P3H2: variants seen among roughly 807,000 people sequenced by gnomAD.
P3H2 encodes the protein leprecan-like 1.
Under a neutral mutation model 87.0 loss-of-function variants are expected in P3H2, and 80 were observed. The ratio of observed to expected loss-of-function variants is 0.92; its 90% CI spans 0.77 to 1.11. The LOEUF (loss-of-function observed/expected upper bound fraction) is 1.11, where lower values mean the gene tolerates loss of function less well. P3H2 is among the 50% of genes least tolerant of loss of function. The pLI, the probability that P3H2 is intolerant of heterozygous loss-of-function variation, is 0.00. For missense variants in P3H2, 1,001 were observed against 923.9 expected, an observed-to-expected ratio of 1.08 and a Z score of -1.08; for synonymous variants, 367 against 359.3, an observed-to-expected ratio of 1.02 and a Z score of -0.24.
intron 13 of P3H2, among the ~76,000 whole-genome samples, chr3:189,966,769 C>A (rs1723019874): frequency 6.6e-6 from 1 of 152,222 alleles, no homozygotes; most frequent in African/African-American, 2.4e-5. Context: ...GTCTCACAAA[C>A]AAATGCCGCT....
chr3:190,001,371 A>AAGCGT (rs1724212547), intron 1 of P3H2, among the ~76,000 whole-genome samples: 1 of 152,098 alleles, frequency 6.6e-6, no homozygotes, highest in Non-Finnish European at 1.5e-5. Context: ...AGAGTAAAAC[A>AAGCGT]TCAAGCGTAA....
At chr3:190,037,184 T>C (rs1033797168) in intron 1 of P3H2, among the ~76,000 whole-genome samples, 7 of 152,108 alleles carry the variant, frequency 4.6e-5, no homozygotes, top group African/African-American at 1.7e-4. Context: ...TAACTTGAGA[T>C]CATATAGCTG....
rs1712510492 is a variant in P3H2, at chr3:190,120,428, C to G, written c.304G>C (p.Gly102Arg). ...AAAAGGGGCAGCTCAGCGCCGGGGCCCTCGCCGGGGGGCGGGGGCGGGAGC... is the reference window on the plus strand; with the variant it reads ...AAAAGGGGCAGCTCAGCGCCGGGGCGCTCGCCGGGGGGCGGGGGCGGGAGC... ...HPLPPPPPGEGPGAELPLFRS... is the reference protein window; with the variant it reads ...HPLPPPPPGERPGAELPLFRS... Residue 102 changes from glycine (G) to arginine (R), a missense_variant, in exon 1 of 15, where the codon GGC (glycine) becomes CGC (arginine). Gly to Arg is a moderately radical substitution (Grantham distance 125). Transcript: ENST00000319332. The G allele has an allele frequency of 6.8e-7, 1 of 1,462,536 alleles. No homozygotes were observed. Among genetic ancestry groups the G allele is most frequent in the Non-Finnish European group, 9.0e-7 (1 of 1,115,344 alleles). The allele number at this position is 1,462,536 out of a possible 1,614,324, so 90.6% of individuals were successfully genotyped here.
At chr3:190,027,064 T>C (rs541457205) in intron 1 of P3H2, among the ~76,000 whole-genome samples, 1 of 152,338 alleles carries the variant, frequency 6.6e-6, no homozygotes, top group African/African-American at 2.4e-5. Context: ...ATAACAATTT[T>C]ATAAGGTAGG....
At chr3:190,056,596 A>G (rs909209184) in intron 1 of P3H2, among the ~76,000 whole-genome samples, 2 of 152,224 alleles carry the variant, frequency 1.3e-5, no homozygotes, top group Non-Finnish European at 2.9e-5. Context: ...AGAAGTCGTG[A>G]TGATAATCTG....
At chr3:190,052,815 A>G (rs1726025732) in intron 1 of P3H2, among the ~76,000 whole-genome samples, 1 of 152,106 alleles carries the variant, frequency 6.6e-6, no homozygotes, top group South Asian at 2.1e-4. Context: ...ATTTTGGCAT[A>G]TGCATTCCCC....
intron 1 of P3H2, among the ~76,000 whole-genome samples, chr3:189,995,715 G>A (rs887563975): frequency 1.3e-4 from 19 of 151,006 alleles, no homozygotes; most frequent in African/African-American, 4.6e-4. Context: ...ATCCAAAAGG[G>A]GTTAATATCT....
intron 1 of P3H2, among the ~76,000 whole-genome samples, chr3:190,105,405 C>T (rs1224625534): frequency 6.6e-6 from 1 of 152,114 alleles, no homozygotes; most frequent in African/African-American, 2.4e-5. Context: ...TGTTGCTTGT[C>T]TTTTCTTCAT....
At chr3:190,071,978 GTTT>G (rs60227697) in intron 1 of P3H2, among the ~76,000 whole-genome samples, 20 of 119,202 alleles carry the variant, frequency 1.7e-4, no homozygotes, top group African/African-American at 5.7e-4. Flanking sequence ...AAGATGAAGG[GTTT>G]TTTTTTTTTT....
At chr3:189,970,952 A>G in intron 12 of P3H2, 61 bp from the exon 13 acceptor site, 1 of 934,960 alleles carries the variant, frequency 1.1e-6, no homozygotes, top group Non-Finnish European at 1.8e-6. Flanking sequence ...ATGGTCATAG[A>G]ATACTGAAGA....
At chr3:190,084,839 C>T (rs528879021) in intron 1 of P3H2, among the ~76,000 whole-genome samples, 2 of 151,994 alleles carry the variant, frequency 1.3e-5, no homozygotes, top group African/African-American at 4.8e-5. Context: ...AGACTTAATA[C>T]CTCGCTCAGT....
intron 1 of P3H2, among the ~76,000 whole-genome samples, chr3:190,037,276 A>G (rs1205722727): frequency 1.3e-5 from 2 of 152,158 alleles, no homozygotes; most frequent in Non-Finnish European, 2.9e-5. Context: ...TAAAAGGAGA[A>G]GCAAATTATA....
At chr3:190,058,895 T>G (rs200112585) in intron 1 of P3H2, among the ~76,000 whole-genome samples, 1 of 152,196 alleles carries the variant, frequency 6.6e-6, no homozygotes, top group East Asian at 1.9e-4. Context: ...CTGAGGAGAC[T>G]TTACAGTGAA....
At chr3:190,004,085 T>A (rs530910476) in intron 1 of P3H2, among the ~76,000 whole-genome samples, 7 of 152,304 alleles carry the variant, frequency 4.6e-5, no homozygotes, top group Admixed American at 4.6e-4. Flanking sequence ...TCTATGTGAG[T>A]ACAGAACTCT....
At chr3:189,999,497 C>T (rs114992764) in intron 1 of P3H2, among the ~76,000 whole-genome samples, 2,509 of 152,226 alleles carry the variant, frequency 0.016, 70 homozygotes, top group African/African-American at 0.057. Flanking sequence ...TAAACATGTG[C>T]ATGCTACATA....
chr3:189,973,790 C>T (rs903170023), intron 10 of P3H2, 119 bp downstream of exon 10: 3 of 798,810 alleles, frequency 3.8e-6, no homozygotes, highest in African/African-American at 1.7e-5. Flanking sequence ...TCCCAAAGTG[C>T]TGGGATTACA....
intron 1 of P3H2, among the ~76,000 whole-genome samples, chr3:190,001,692 A>G (rs1724221516): frequency 1.3e-5 from 2 of 152,216 alleles, no homozygotes; most frequent in African/African-American, 4.8e-5. Flanking sequence ...TACAGCATGT[A>G]TATCACACTA....
At chr3:189,987,369 C>T (rs1723735019) in intron 5 of P3H2, among the ~76,000 whole-genome samples, 158 bp downstream of exon 5, 1 of 151,596 alleles carries the variant, frequency 6.6e-6, no homozygotes, top group Admixed American at 6.6e-5. Flanking sequence ...ATCCCAGCTA[C>T]TAGGGAGGCT....
In P3H2 at chr3:189,998,613, T is replaced by C. The variant is rs1218558122; in HGVS notation, c.481-3171A>G. ...GAGCTTTCTGTGGACATGGATCATA[T>C]GGTATATTAATCTTTTTATTTTCTA... On this transcript the variant is annotated intron_variant, in intron 1 of 14. Coordinates refer to ENST00000319332, the MANE Select transcript of P3H2 (RefSeq NM_018192.4). Among the ~76,000 whole-genome samples, 7 of 152,352 alleles carry C rather than the reference T, an allele frequency of 4.6e-5. No individual in the cohort carries two copies. In the South Asian group the frequency reaches 1.2e-3, roughly 27 times the overall value.
Sources: allele counts gnomAD v4.1 joint callset (sites outside exome capture counted in the v4.1 genomes callset), GRCh38; gene constraint gnomAD v4.1.1; transcripts MANE v1.5; gene names NCBI Gene and HGNC (gene_info 2026-07-23, HGNC 2026-07-21).